Variants in PHACTR1 observed in about 807,000 individuals in gnomAD.
PHACTR1 encodes RPEL repeat containing 1.
Under a neutral mutation model 69.2 loss-of-function variants are expected in PHACTR1, and 16 were observed. The observed-to-expected ratio is 0.23, with a 90% CI of 0.16 to 0.35. The LOEUF (loss-of-function observed/expected upper bound fraction) is 0.35. PHACTR1 is among the 10% of genes least tolerant of loss of function. The pLI is 1.00. For missense variants in PHACTR1, 510 were observed against 734.7 expected, an observed-to-expected ratio of 0.69 and a Z score of 3.54; for synonymous variants, 312 against 284.5, an observed-to-expected ratio of 1.10 and a Z score of -0.97.
chr6:13,132,718 TACC>T (rs1389105323), intron 5 of PHACTR1, among the ~76,000 whole-genome samples: 1 of 126,452 alleles, frequency 7.9e-6, no homozygotes, highest in Non-Finnish European at 1.8e-5. Flanking sequence ...AATTTAAAAA[TACC>T]GTATTGCTAA....
chr6:12,731,039 G>T (rs928199530), intron 3 of PHACTR1, among the ~76,000 whole-genome samples: 7 of 109,900 alleles, frequency 6.4e-5, no homozygotes, highest in African/African-American at 2.0e-4. Context: ...TATTTGAGAT[G>T]GAGTCTTGCT....
intron 4 of PHACTR1, among the ~76,000 whole-genome samples, chr6:12,967,330 C>T (rs1793623001): frequency 6.6e-6 from 1 of 152,192 alleles, no homozygotes; most frequent in African/African-American, 2.4e-5. Context: ...AGCTGTGGCA[C>T]TCCATTAAAA....
intron 3 of PHACTR1, among the ~76,000 whole-genome samples, chr6:12,732,028 T>C (rs914119436): frequency 1.3e-5 from 2 of 151,966 alleles, no homozygotes; most frequent in African/African-American, 4.8e-5. Flanking sequence ...ATGGGGCCTC[T>C]GACCCTTATA....
chr6:12,847,500 T>C (rs1779408817), intron 4 of PHACTR1, among the ~76,000 whole-genome samples: 4 of 152,150 alleles, frequency 2.6e-5, no homozygotes, highest in African/African-American at 9.7e-5. Context: ...TGAATGTTAA[T>C]TGACATATAA....
chr6:12,955,498 A>C (rs1791791846), intron 4 of PHACTR1, among the ~76,000 whole-genome samples: 1 of 152,076 alleles, frequency 6.6e-6, no homozygotes, highest in African/African-American at 2.4e-5. Context: ...GCCCCACATT[A>C]TATTTCTATT....
chr6:12,795,576 T>C (rs1772878207), intron 4 of PHACTR1, among the ~76,000 whole-genome samples: 1 of 152,164 alleles, frequency 6.6e-6, no homozygotes, highest in African/African-American at 2.4e-5. Flanking sequence ...TAGGTGCTAC[T>C]GTTTGAGTCA....
rs757948394 is a variant in PHACTR1 at position 13,286,142 on chromosome 6, C to G, written c.1651-4C>G. ...GCACATTGATGGGCTTCTGTTGATTCCAGGCTGCCATCCGAAAGGAGCTCA... is the reference window on the plus strand; with the variant it reads ...GCACATTGATGGGCTTCTGTTGATTGCAGGCTGCCATCCGAAAGGAGCTCA... On this transcript the variant is annotated splice_region_variant and splice_polypyrimidine_tract_variant and intron_variant, in intron 13 of 14. Coordinates refer to ENST00000332995, the MANE Select transcript of PHACTR1 (RefSeq NM_030948.6). 1.3e-6 allele frequency: 2 copies of G among 1,598,774 alleles called. No homozygotes were observed. Among genetic ancestry groups the G allele is most frequent in the African/African-American group, 1.3e-5 (1 of 74,480 alleles).
intron 4 of PHACTR1, among the ~76,000 whole-genome samples, chr6:12,913,118 G>A (rs1582447590): frequency 6.6e-6 from 1 of 152,284 alleles, no homozygotes; most frequent in South Asian, 2.1e-4. Context: ...AAAACCCAAG[G>A]TAGACATACA....
chr6:12,759,827 T>C (rs1383436089), intron 4 of PHACTR1, among the ~76,000 whole-genome samples: 1 of 152,096 alleles, frequency 6.6e-6, no homozygotes, highest in East Asian at 1.9e-4. Context: ...CAAAGACCAT[T>C]CTTTTCTGAG....
intron 4 of PHACTR1, among the ~76,000 whole-genome samples, chr6:12,908,386 T>C (rs1461871056): frequency 6.6e-6 from 1 of 152,152 alleles, no homozygotes; most frequent in Non-Finnish European, 1.5e-5. Context: ...GTGAGCTCAG[T>C]CCCAGGGATA....
At chr6:13,282,937 A>C (rs565760143) in intron 12 of PHACTR1, among the ~76,000 whole-genome samples, 35 of 152,308 alleles carry the variant, frequency 2.3e-4, no homozygotes, top group Admixed American at 2.1e-3. Flanking sequence ...GTGTAAAAAC[A>C]GTACTGTGAA....
At chr6:12,868,690 T>C (rs1250064071) in intron 4 of PHACTR1, among the ~76,000 whole-genome samples, 1 of 151,952 alleles carries the variant, frequency 6.6e-6, no homozygotes, top group Non-Finnish European at 1.5e-5. Context: ...ACTCTGAAAA[T>C]AGCAAAAAGC....
chr6:13,164,987 C>T (rs1186248682), intron 6 of PHACTR1, among the ~76,000 whole-genome samples: 3 of 151,700 alleles, frequency 2.0e-5, no homozygotes, highest in Admixed American at 2.0e-4. Flanking sequence ...TATTGAATCA[C>T]ATAATTTTAC....
intron 4 of PHACTR1, among the ~76,000 whole-genome samples, chr6:12,833,921 A>G (rs1777869190): frequency 6.6e-6 from 1 of 152,028 alleles, no homozygotes; most frequent in African/African-American, 2.4e-5. Context: ...AACTCCCTCC[A>G]GCTGGAGTGG....
chr6:13,242,035 C>CA (rs747990237), intron 10 of PHACTR1, among the ~76,000 whole-genome samples: 2,149 of 57,924 alleles, frequency 0.037, 28 homozygotes, highest in South Asian at 0.054. Context: ...GATTCTGTCT[C>CA]AAAAAAAAAA....
At chr6:12,784,558 T>G (rs1771284765) in intron 4 of PHACTR1, among the ~76,000 whole-genome samples, 1 of 151,398 alleles carries the variant, frequency 6.6e-6, no homozygotes, top group African/African-American at 2.4e-5. Flanking sequence ...CATATATATC[T>G]ATACACATAT....
chr6:12,775,276 C>T lies in PHACTR1; in HGVS notation c.250+25486C>T, dbSNP rs188579473. On this transcript the variant is annotated intron_variant, in intron 4 of 14. Coordinates refer to ENST00000332995, the MANE Select transcript of PHACTR1 (RefSeq NM_030948.6). The stretch of plus-strand genomic sequence containing the variant: ...CAATGTTCTACTCTCAAAAATACCC[C>T]TAATGAAATAACACTTCTTATTTTT... Among the ~76,000 whole-genome samples the T allele has an allele frequency of 3.7e-4, 56 of 152,264 alleles. 1 individual carries two copies. The highest frequency in any genetic ancestry group is 4.4e-5 in the Non-Finnish European group (3 of 68,020).
chr6:13,084,267 C>T (rs538217166), intron 5 of PHACTR1, among the ~76,000 whole-genome samples: 56 of 150,574 alleles, frequency 3.7e-4, no homozygotes, highest in African/African-American at 1.1e-3. Flanking sequence ...AGCAAACTAT[C>T]GCAAGGACAA....
chr6:12,820,250 C>G (rs9688815), intron 4 of PHACTR1, among the ~76,000 whole-genome samples: 1,805 of 151,970 alleles, frequency 0.012, 38 homozygotes, highest in African/African-American at 0.042. Context: ...GGTGGGATCT[C>G]GGTTCACTGC....
Sources: gnomAD v4.1 joint callset for allele counts (sites outside exome capture counted in the v4.1 genomes callset) on GRCh38, gnomAD v4.1.1 for gene constraint, MANE v1.5 for transcripts, NCBI Gene and HGNC (gene_info 2026-07-23, HGNC 2026-07-21) for gene names.